Variants in CATSPERD observed in about 807,000 individuals in gnomAD.
The protein encoded by CATSPERD is cation channel sperm-associated auxiliary subunit delta.
A neutral mutation model predicts 98.1 loss-of-function variants in CATSPERD; 86 were observed. The observed-to-expected ratio is 0.88, with a 90% confidence interval of 0.74 to 1.05. CATSPERD has a LOEUF of 1.05. CATSPERD is among the 50% of genes least tolerant of loss of function. The probability of loss-of-function intolerance (pLI) is 0.00; values close to 1 mark genes in which losing one functional copy is unlikely to be tolerated. For missense variants in CATSPERD, 995 were observed against 1,005.7 expected, an observed-to-expected ratio of 0.99 and a Z score of 0.14; for synonymous variants, 394 against 390.2, an observed-to-expected ratio of 1.01 and a Z score of -0.12.
chr19:5,744,640 A>G, intron 8 of CATSPERD, 130 bp downstream of exon 8: 1 of 519,960 alleles, frequency 1.9e-6, no homozygotes, highest in South Asian at 2.6e-5. Flanking sequence ...TCGCTCTGTC[A>G]GCCAGGCCGG....
At chr19:5,749,244 C>A in intron 11 of CATSPERD, 61 bp downstream of exon 11, 1 of 1,251,226 alleles carries the variant, frequency 8.0e-7, no homozygotes, top group East Asian at 2.6e-5. Context: ...GTCATCCCAG[C>A]ACTTTGGGAG....
At chr19:5,756,150 A>G (rs942586696) in intron 13 of CATSPERD, among the ~76,000 whole-genome samples, 7 of 151,684 alleles carry the variant, frequency 4.6e-5, no homozygotes. Flanking sequence ...GTGTGGTGGC[A>G]CATGCCTGTA....
chr19:5,761,328 C>T (rs922355640), intron 15 of CATSPERD, among the ~76,000 whole-genome samples: 6 of 152,120 alleles, frequency 3.9e-5, no homozygotes, highest in African/African-American at 1.4e-4. Context: ...TCTTGAACTC[C>T]TGACCTCAGG....
chr19:5,738,939 G>T (rs1040527340), intron 6 of CATSPERD, among the ~76,000 whole-genome samples: 34 of 151,218 alleles, frequency 2.2e-4, no homozygotes, highest in African/African-American at 8.3e-4. Flanking sequence ...TGTTGGTCAG[G>T]CTGGTCTTGA....
Position 5,778,633 on chromosome 19 carries a change from C to CG in CATSPERD, c.2357dup (p.Arg787ThrfsTer11). Reference sequence around the variant, plus strand: ...ACAGCCAGGGCAGGCACAGAGCCCCCGGGACGCCACCGCACTCCTCACGGA... The same window carrying CG: ...ACAGCCAGGGCAGGCACAGAGCCCCCGGGGACGCCACCGCACTCCTCACGGA... On this transcript the variant is annotated frameshift_variant, in exon 22 of 22. Transcript: ENST00000381624. LOFTEE classifies it low-confidence loss of function (END_TRUNC). 6.2e-7 allele frequency: 1 copy of CG among 1,613,542 alleles called. No homozygotes were observed. The highest frequency in any genetic ancestry group is 8.5e-7 in the Non-Finnish European group (1 of 1,179,992).
intron 21 of CATSPERD, among the ~76,000 whole-genome samples, 162 bp from the exon 22 acceptor site, chr19:5,778,207 CAAAAAAA>C (rs555139661): frequency 1.2e-5 from 1 of 82,376 alleles, no homozygotes; most frequent in Admixed American, 1.5e-4. Context: ...GACTCCGACT[CAAAAAAA>C]AAAAAAAAAA....
intron 1 of CATSPERD, among the ~76,000 whole-genome samples, chr19:5,721,243 C>T (rs905541168): frequency 1.3e-5 from 2 of 152,088 alleles, no homozygotes; most frequent in Non-Finnish European, 2.9e-5. Context: ...ACCTCGTGAC[C>T]CGCCTGCCTC....
chr19:5,766,031 C>T (rs1279321326), intron 16 of CATSPERD, 72 bp from the exon 17 acceptor site: 14 of 1,184,594 alleles, frequency 1.2e-5, no homozygotes, highest in Non-Finnish European at 1.6e-5. Flanking sequence ...GAGTGTGTCC[C>T]TGTATAGGGT....
intron 16 of CATSPERD, among the ~76,000 whole-genome samples, chr19:5,764,444 T>C (rs1218717093): frequency 2.0e-5 from 3 of 151,562 alleles, no homozygotes. Context: ...GCCTCCCGTG[T>C]AGCTGGGACT....
At chr19:5,762,058 A>ATATATATATAT in intron 15 of CATSPERD, among the ~76,000 whole-genome samples, 5 of 10,428 alleles carry the variant, frequency 4.8e-4, no homozygotes, top group Non-Finnish European at 7.2e-4. Flanking sequence ...ATATATATAT[A>ATATATATATAT]TTTTTTTTTT....
chr19:5,741,778 C>T (rs1426468626), intron 7 of CATSPERD, among the ~76,000 whole-genome samples: 1 of 17,336 alleles, frequency 5.8e-5, no homozygotes, highest in Non-Finnish European at 1.4e-4. Flanking sequence ...CTTTGGGATG[C>T]TGAAGGCGGG....
At position 5,754,741 on chromosome 19, in the gene CATSPERD, G is replaced by T. The variant is rs373944027; in HGVS notation, c.1278+496G>T. Reference sequence around the variant, plus strand: ...CCTCGACGTGCCTCTGCATGTCTGGGCGTGATGAGGCTGTGGCTGTCCAGC... The same window carrying T: ...CCTCGACGTGCCTCTGCATGTCTGGTCGTGATGAGGCTGTGGCTGTCCAGC... On this transcript the variant is annotated intron_variant, in intron 13 of 21. Coordinates refer to ENST00000381624, the MANE Select transcript of CATSPERD (RefSeq NM_152784.4). Among the ~76,000 whole-genome samples the T allele has an allele frequency of 6.6e-5, 10 of 151,952 alleles. No homozygotes were observed. In the East Asian group the frequency reaches 1.6e-3, roughly 24 times the overall value.
At chr19:5,737,072 A>C (rs1456925703) in intron 5 of CATSPERD, 66 bp from the exon 6 acceptor site, 81 of 1,142,624 alleles carry the variant, frequency 7.1e-5, no homozygotes, top group Non-Finnish European at 1.0e-4. Context: ...CAAAACAAAA[A>C]ACAAAAAACT....
At chr19:5,749,798 ATCT>A (rs1258689855) in intron 11 of CATSPERD, among the ~76,000 whole-genome samples, 1 of 145,624 alleles carries the variant, frequency 6.9e-6, no homozygotes, top group Non-Finnish European at 1.5e-5. Flanking sequence ...CATTATGCCT[ATCT>A]AATTTTTTTT....
rs563794699 is a variant in CATSPERD, at chr19:5,720,898, T to C, written c.71+90T>C. The C allele has an allele frequency of 5.5e-5, 55 of 994,790 alleles. No homozygotes were observed. In the East Asian group the frequency reaches 1.3e-3, roughly 24 times the overall value. 61.6% of individuals were successfully genotyped at this position (994,790 alleles called of 1,614,324 possible). ...TGGAGCCGAGGCCTGCTCCCCAACC[T>C]CACTGAGGCTCCCCTTTTACTCTTT... is the stretch of plus-strand genomic sequence containing the variant. On this transcript the variant is annotated intron_variant, in intron 1 of 21. Coordinates refer to ENST00000381624, the MANE Select transcript of CATSPERD (RefSeq NM_152784.4).
Position 5,771,085 on chromosome 19 carries a change from G to T in CATSPERD, c.1763+13G>T, listed in dbSNP as rs751182583. ...CCGTGGTGGAGCTGTAAGACCCCAG[G>T]GGGGTGCTGCAGGGTGGGGACGGTG... On this transcript the variant is annotated intron_variant, in intron 19 of 21. Coordinates refer to ENST00000381624, the MANE Select transcript of CATSPERD (RefSeq NM_152784.4). 20 of 1,610,716 alleles carry T rather than the reference G, an allele frequency of 1.2e-5. No homozygotes were observed. The South Asian group carries it at 2.1e-4, about 17-fold the overall frequency.
At chr19:5,728,987 AC>A (rs1192353773) in intron 3 of CATSPERD, among the ~76,000 whole-genome samples, 2 of 151,348 alleles carry the variant, frequency 1.3e-5, no homozygotes, top group Non-Finnish European at 2.9e-5. Flanking sequence ...GGCATGAGCC[AC>A]CACACCTGGC....
chr19:5,746,713 G>A (rs899029067), intron 9 of CATSPERD, among the ~76,000 whole-genome samples: 3 of 152,030 alleles, frequency 2.0e-5, no homozygotes, highest in East Asian at 3.9e-4. Context: ...GATTACAGGC[G>A]TGAGCCACCA....
chr19:5,748,217 T>G lies in CATSPERD; in HGVS notation c.866T>G (p.Ile289Ser), dbSNP rs2056132982. 1.9e-6 allele frequency: 3 copies of G among 1,614,046 alleles called. No homozygotes were observed. Among genetic ancestry groups the G allele is most frequent in the Non-Finnish European group, 2.5e-6 (3 of 1,180,002 alleles). The change falls in exon 10 of 22, where the codon ATT becomes AGT. Residue 289 changes from isoleucine to serine, a missense_variant. Transcript: ENST00000381624. Reference protein sequence around the residue: ...KKGDQTLFSSIFEAKITIHNI... With the variant: ...KKGDQTLFSSSFEAKITIHNI... ...GGAGACCAGACCTTGTTTTCTTCCATTTTTGAAGCCAAGATCACCATCCAC... is the reference window on the plus strand; with the variant it reads ...GGAGACCAGACCTTGTTTTCTTCCAGTTTTGAAGCCAAGATCACCATCCAC...
Sources: gnomAD v4.1 joint callset for allele counts (sites outside exome capture counted in the v4.1 genomes callset) on GRCh38, gnomAD v4.1.1 for gene constraint, MANE v1.5 for transcripts, NCBI Gene and HGNC (gene_info 2026-07-23, HGNC 2026-07-21) for gene names.